Variants in COL4A1 observed in about 807,000 individuals in gnomAD.
COL4A1 encodes collagen type IV alpha 1 chain, also known as collagen alpha-1(IV) chain.
In COL4A1, 40 loss-of-function variants were observed where a neutral mutation model predicts 216.6. The ratio of observed to expected loss-of-function variants is 0.18; its 90% CI spans 0.14 to 0.24. The LOEUF (loss-of-function observed/expected upper bound fraction) is 0.24. Among genes scored for constraint, COL4A1 ranks in the 10% least tolerant of loss-of-function variants. The pLI is 1.00. For synonymous variants in COL4A1, 839 were observed against 810.7 expected, an observed-to-expected ratio of 1.03 and a Z score of -0.59; for missense variants, 1,628 against 2,196.8, an observed-to-expected ratio of 0.74 and a Z score of 5.18.
chr13:110,234,320 C>T (rs1004712631), intron 2 of COL4A1, among the ~76,000 whole-genome samples: 4 of 152,182 alleles, frequency 2.6e-5, no homozygotes, highest in Non-Finnish European at 1.5e-5. Context: ...CAGTGGCTCA[C>T]GCCTGTCATC....
At chr13:110,275,194 ACAT>A (rs1218884273) in intron 1 of COL4A1, among the ~76,000 whole-genome samples, 1 of 152,260 alleles carries the variant, frequency 6.6e-6, no homozygotes, top group African/African-American at 2.4e-5. Flanking sequence ...ATATACAAAG[ACAT>A]CTTAAACTCA....
At chr13:110,291,303 G>A (rs1029408581) in intron 1 of COL4A1, among the ~76,000 whole-genome samples, 1 of 152,194 alleles carries the variant, frequency 6.6e-6, no homozygotes, top group Non-Finnish European at 1.5e-5. Flanking sequence ...GCATTTCTCA[G>A]CAACCAAGAA....
At chr13:110,155,815 G>A (rs1876759883) in intron 49 of COL4A1, among the ~76,000 whole-genome samples, 2 of 152,206 alleles carry the variant, frequency 1.3e-5, no homozygotes, top group Admixed American at 6.5e-5. Flanking sequence ...GGGAGGCTGA[G>A]GCAGGAGAAT....
At chr13:110,161,422 T>A (rs1229415925) in intron 48 of COL4A1, 53 bp from the exon 49 acceptor site, 3 of 1,549,220 alleles carry the variant, frequency 1.9e-6, no homozygotes, top group Non-Finnish European at 2.6e-6. Context: ...TCACAATCTA[T>A]CTCTATGTAA....
At position 110,207,368 on chromosome 13, in the gene COL4A1, G is replaced by A; in HGVS notation, c.780+35C>T. On this transcript the variant is annotated intron_variant, in intron 13 of 51. Coordinates refer to ENST00000375820, the MANE Select transcript of COL4A1 (RefSeq NM_001845.6). The surrounding 1 kb of genome is among the most constrained non-coding windows in gnomAD (Gnocchi z 4.4). ...ATCTTTTGGAATTTGTCCAAAATTA[G>A]AAAATCAGTATTCACTGATGAAGCC... The A allele has an allele frequency of 6.4e-7, 1 of 1,555,834 alleles. No homozygotes were observed. The highest frequency in any genetic ancestry group is 1.1e-5 in the South Asian group (1 of 89,834).
intron 1 of COL4A1, among the ~76,000 whole-genome samples, chr13:110,282,961 G>A (rs1883694775): frequency 6.6e-6 from 1 of 152,200 alleles, no homozygotes; most frequent in African/African-American, 2.4e-5. Flanking sequence ...AAATCAAAAT[G>A]AGCCAGTGAT....
chr13:110,307,131 G>A lies in COL4A1; in HGVS notation c.-104C>T, dbSNP rs1884772504. The A allele has an allele frequency of 1.1e-6, 1 of 930,524 alleles. No homozygotes were observed. Among genetic ancestry groups the A allele is most frequent in the Non-Finnish European group, 1.5e-6 (1 of 679,474 alleles). The allele number at this position is 930,524 out of a possible 1,614,324, so 57.6% of individuals were successfully genotyped here. On this transcript the variant is annotated 5_prime_UTR_variant, in exon 1 of 52. Transcript: ENST00000375820. The surrounding 1 kb of genome is among the most constrained non-coding windows in gnomAD (Gnocchi z 5.0). ...GACTTCCAGCGCTACGCACCGTCCC[G>A]GGTGCGGCGGCTCCAAGCGGAGACC...
chr13:110,298,073 C>G (rs1884347675), intron 1 of COL4A1, among the ~76,000 whole-genome samples: 1 of 151,508 alleles, frequency 6.6e-6, no homozygotes, highest in Non-Finnish European at 1.5e-5. Flanking sequence ...TGATGATAAC[C>G]TCCATGGAAA....
intron 22 of COL4A1, among the ~76,000 whole-genome samples, chr13:110,194,008 G>T (rs973465952): frequency 1.3e-5 from 2 of 152,196 alleles, no homozygotes; most frequent in Non-Finnish European, 2.9e-5. Flanking sequence ...TAGGATCTGG[G>T]GGATGGATAG....
rs762377100 is a variant in COL4A1, at chr13:110,210,008, A to T, written c.587T>A (p.Val196Asp). The change falls in exon 10 of 52, where the codon GTT becomes GAT. Residue 196 changes from valine to aspartate, a missense_variant. Physicochemically the swap from Val to Asp is radical, Grantham distance 152. Around this residue, in one of 8 missense-constraint regions of COL4A1, gnomAD observed 150 missense variants for 211.9 expected, o/e 0.71. Transcript: ENST00000375820. ...TGGTCCGGTAAATCCTGGAGGCCCA[A>T]CAGGACCTTGAAGCCCTGGCAGTCC... The part of the protein sequence containing the change: ...PPGLPGLQGP[V>D]GPPGFTGPPG... 6.2e-7 allele frequency: 1 copy of T among 1,614,154 alleles called. No homozygotes were observed. Among genetic ancestry groups the T allele is most frequent in the East Asian group, 2.2e-5 (1 of 44,882 alleles).
intron 1 of COL4A1, among the ~76,000 whole-genome samples, chr13:110,273,336 C>A (rs1883313156): frequency 6.6e-6 from 1 of 152,332 alleles, no homozygotes; most frequent in African/African-American, 2.4e-5. Context: ...AGTGGAATGA[C>A]CTACCTGTGT....
At chr13:110,179,684 A>G (rs1247108240) in intron 29 of COL4A1, among the ~76,000 whole-genome samples, 3 of 152,048 alleles carry the variant, frequency 2.0e-5, no homozygotes, top group Non-Finnish European at 4.4e-5. Flanking sequence ...GATAAATGAC[A>G]TTTTTCTCAA....
At chr13:110,269,153 T>A (rs990324224) in intron 1 of COL4A1, among the ~76,000 whole-genome samples, 2 of 152,158 alleles carry the variant, frequency 1.3e-5, no homozygotes, top group Non-Finnish European at 2.9e-5. Flanking sequence ...TTGTAGCATT[T>A]TAAGGAAAGT....
At chr13:110,177,981 C>T in intron 32 of COL4A1, 50 bp from the exon 33 acceptor site, 2 of 1,613,902 alleles carry the variant, frequency 1.2e-6, no homozygotes, top group Non-Finnish European at 1.7e-6. Flanking sequence ...TGAATGCTGA[C>T]AGTAAATGCT....
At chr13:110,301,173 A>G (rs1260763726) in intron 1 of COL4A1, among the ~76,000 whole-genome samples, 1 of 152,242 alleles carries the variant, frequency 6.6e-6, no homozygotes, top group African/African-American at 2.4e-5. Flanking sequence ...CTTTGTGTTC[A>G]CTAGTAATAC....
intron 11 of COL4A1, 139 bp downstream of exon 11, chr13:110,209,253 T>C (rs1298194953): frequency 8.7e-6 from 6 of 689,110 alleles, no homozygotes; most frequent in Non-Finnish European, 1.3e-5. Flanking sequence ...ATATGATAGA[T>C]ACTTAAAGGT....
intron 1 of COL4A1, among the ~76,000 whole-genome samples, chr13:110,243,049 G>A (rs1881634671): frequency 6.6e-6 from 1 of 152,214 alleles, no homozygotes; most frequent in Admixed American, 6.5e-5. Context: ...CTCCCTCGGG[G>A]ATTAGTTTAA....
At chr13:110,280,621 G>A (rs1186988195) in intron 1 of COL4A1, among the ~76,000 whole-genome samples, 2 of 152,230 alleles carry the variant, frequency 1.3e-5, no homozygotes, top group East Asian at 3.8e-4. Flanking sequence ...TGAAGACAGA[G>A]GACAATCCCA....
intron 42 of COL4A1, among the ~76,000 whole-genome samples, chr13:110,170,041 G>A (rs901438694): frequency 1.5e-5 from 2 of 132,258 alleles, no homozygotes; most frequent in African/African-American, 5.6e-5. Context: ...GGAAGGGAGG[G>A]AAGGAGGGAG....
Sources: allele counts gnomAD v4.1 joint callset (sites outside exome capture counted in the v4.1 genomes callset), GRCh38; gene constraint gnomAD v4.1.1; regional missense constraint gnomAD v4.1.1; non-coding constraint Gnocchi (gnomAD v3.1); transcripts MANE v1.5; gene names NCBI Gene and HGNC (gene_info 2026-07-23, HGNC 2026-07-21).